TNS1: variants seen among roughly 807,000 people sequenced by gnomAD.
TNS1 encodes the protein tensin-1.
Under a neutral mutation model 168.6 loss-of-function variants are expected in TNS1, and 62 were observed. The ratio of observed to expected loss-of-function variants is 0.37; its 90% CI spans 0.30 to 0.45. The LOEUF is 0.45. Among genes scored for constraint, TNS1 ranks in the 20% least tolerant of loss-of-function variants. TNS1 has a pLI of 1.00. For synonymous variants in TNS1, 934 were observed against 933.2 expected, an observed-to-expected ratio of 1.00 and a Z score of -0.02; for missense variants, 2,240 against 2,339.4, an observed-to-expected ratio of 0.96 and a Z score of 0.88.
chr2:217,973,539 T>G (rs1957822194), intron 3 of TNS1, among the ~76,000 whole-genome samples: 1 of 152,136 alleles, frequency 6.6e-6, no homozygotes, highest in South Asian at 2.1e-4. Context: ...GGGGTTTCCA[T>G]GAACTACAGT....
chr2:217,894,656 C>CA (rs919373653), intron 9 of TNS1, among the ~76,000 whole-genome samples: 3 of 151,536 alleles, frequency 2.0e-5, no homozygotes, highest in Admixed American at 6.6e-5. Context: ...GACTGCATCT[C>CA]AAAAAAACAA....
intron 22 of TNS1, among the ~76,000 whole-genome samples, chr2:217,828,648 A>T (rs952722993): frequency 1.3e-5 from 2 of 152,100 alleles, no homozygotes; most frequent in Admixed American, 1.3e-4. Flanking sequence ...AAGGCCTCCC[A>T]CCTGATTATG....
intron 20 of TNS1, 26 bp downstream of exon 20, chr2:217,835,989 C>A: frequency 1.3e-6 from 2 of 1,594,966 alleles, no homozygotes; most frequent in South Asian, 2.2e-5. Context: ...CCCTCCATAG[C>A]CCCAAGATAC....
intron 17 of TNS1, chr2:217,881,467 G>A (rs1483948024): frequency 6.2e-6 from 1 of 161,730 alleles, no homozygotes; most frequent in Non-Finnish European, 1.4e-5. Context: ...GACATTGAAA[G>A]GACATAAAGC....
chr2:217,981,591 C>T (rs940054348), intron 2 of TNS1, among the ~76,000 whole-genome samples: 2 of 152,226 alleles, frequency 1.3e-5, no homozygotes, highest in African/African-American at 4.8e-5. Context: ...AAGACAAAAG[C>T]TTAGCAAACT....
chr2:217,915,171 A>G (rs1255029023), intron 4 of TNS1, among the ~76,000 whole-genome samples: 1 of 152,182 alleles, frequency 6.6e-6, no homozygotes, highest in Non-Finnish European at 1.5e-5. Context: ...GGCTGACTGA[A>G]GTGACTGCAC....
At position 217,847,819 on chromosome 2, in the gene TNS1, T is replaced by A; in HGVS notation, c.2698A>T (p.Thr900Ser). 1.9e-6 allele frequency: 3 copies of A among 1,595,956 alleles called. No homozygotes were observed. The highest frequency in any genetic ancestry group is 2.6e-6 in the Non-Finnish European group (3 of 1,165,398). ...GAGGCCCGTGGGGCTGGCTCAGGGG[T>A]TCCCAACGAATGCCCACTGGGGATA... is the stretch of plus-strand genomic sequence containing the variant. ...GYIPSGHSLG[T>S]PEPAPRASLE... The change falls in exon 19 of 33, where the codon ACC becomes TCC. Residue 900 changes from threonine (T) to serine (S), a missense_variant. Thr to Ser is a moderately conservative substitution (Grantham distance 58). Around this residue, in one of 2 missense-constraint regions of TNS1, gnomAD observed 2,131 missense variants for 2,171.2 expected, o/e 0.98. Transcript: ENST00000682258.
chr2:217,847,529 C>A lies in TNS1; in HGVS notation c.2988G>T (p.Leu996=). Reference sequence around the variant, plus strand: ...TCTTACCTGCTACCCTGTGGGCCACCAGCCCTTCTAAATTCAATGGCTCCT... The same window carrying A: ...TCTTACCTGCTACCCTGTGGGCCACAAGCCCTTCTAAATTCAATGGCTCCT... The part of the protein sequence containing the change: ...PEEEPLNLEG[L]VAHRVAGVQA... Residue 996 remains leucine (L), a synonymous_variant, in exon 19 of 33, where the codon CTG becomes CTT. Transcript: ENST00000682258. 3 of 1,468,910 alleles carry A rather than the reference C, an allele frequency of 2.0e-6. No individual in the cohort carries two copies. The highest frequency in any genetic ancestry group is 2.7e-6 in the Non-Finnish European group (3 of 1,103,560). The allele number at this position is 1,468,910 out of a possible 1,614,324, so 91.0% of individuals were successfully genotyped here.
chr2:217,961,720 A>T (rs1194223803), intron 3 of TNS1, among the ~76,000 whole-genome samples: 2 of 152,156 alleles, frequency 1.3e-5, no homozygotes, highest in African/African-American at 4.8e-5. Flanking sequence ...CACCCAACCC[A>T]TGTTGACATA....
chr2:218,008,460 C>A (rs1453893213), intron 1 of TNS1, among the ~76,000 whole-genome samples: 1 of 152,242 alleles, frequency 6.6e-6, no homozygotes, highest in Non-Finnish European at 1.5e-5. Context: ...CCATTTCCCA[C>A]TTCAGGCTCC....
At chr2:217,806,365 G>T (rs1482165260) in intron 32 of TNS1, among the ~76,000 whole-genome samples, 2 of 152,134 alleles carry the variant, frequency 1.3e-5, no homozygotes, top group African/African-American at 4.8e-5. Context: ...GCCTCACCTC[G>T]TCCCTGTCAT....
chr2:217,826,605 C>T (rs554590133), intron 22 of TNS1, among the ~76,000 whole-genome samples: 160 of 152,344 alleles, frequency 1.1e-3, no homozygotes, highest in African/African-American at 3.6e-3. Context: ...GCTGCTGCCT[C>T]CGCTGCTCCT....
At chr2:217,973,558 T>C (rs1302881794) in intron 3 of TNS1, among the ~76,000 whole-genome samples, 1 of 152,146 alleles carries the variant, frequency 6.6e-6, no homozygotes, top group East Asian at 1.9e-4. Flanking sequence ...GTAAGATTCC[T>C]GGCTCTGACC....
rs547572436 is a variant in TNS1, at chr2:217,955,449, C to T, written c.186+23316G>A. On this transcript the variant is annotated intron_variant, in intron 3 of 32. Transcript: ENST00000682258. ...GCCTTCCTCCCGCACAGTGCCCGTC[C>T]ACCACCAGTCCCTCCAAGCTTATTC... 3.3e-5 allele frequency among the ~76,000 whole-genome samples: 5 copies of T among 152,076 alleles called. No homozygotes were observed. In the South Asian group the frequency reaches 1.0e-3, roughly 32 times the overall value.
intron 3 of TNS1, among the ~76,000 whole-genome samples, chr2:217,923,395 C>T (rs1336523493): frequency 6.6e-6 from 1 of 152,234 alleles, no homozygotes; most frequent in Admixed American, 6.5e-5. Flanking sequence ...TGCTCTGTGC[C>T]AGGCACTGTT....
intron 18 of TNS1, among the ~76,000 whole-genome samples, chr2:217,869,887 T>C (rs576532151): frequency 4.3e-4 from 65 of 152,032 alleles, no homozygotes; most frequent in Non-Finnish European, 8.1e-4. Context: ...GGCCCCACAC[T>C]GCAACTGTTC....
At chr2:217,885,003 T>C in intron 16 of TNS1, 32 bp downstream of exon 16, 1 of 1,612,700 alleles carries the variant, frequency 6.2e-7, no homozygotes, top group Non-Finnish European at 8.5e-7. Flanking sequence ...GCCACAGGGG[T>C]GCCCACCCCC....
At chr2:217,872,400 G>A (rs1025034412) in intron 18 of TNS1, among the ~76,000 whole-genome samples, 2 of 152,246 alleles carry the variant, frequency 1.3e-5, no homozygotes, top group African/African-American at 4.8e-5. Flanking sequence ...AACAGAGGAT[G>A]TGGATGGGCA....
intron 4 of TNS1, among the ~76,000 whole-genome samples, chr2:217,910,043 C>T (rs1168393619): frequency 6.6e-6 from 1 of 152,214 alleles, no homozygotes; most frequent in African/African-American, 2.4e-5. Context: ...ATCCCTGAGG[C>T]CCAGGCCCTC....
Sources: allele counts gnomAD v4.1 joint callset (sites outside exome capture counted in the v4.1 genomes callset), GRCh38; gene constraint gnomAD v4.1.1; regional missense constraint gnomAD v4.1.1; transcripts MANE v1.5; gene names NCBI Gene and HGNC (gene_info 2026-07-23, HGNC 2026-07-21).